The following SGCD variants were observed in gnomAD, a reference collection of about 807,000 sequenced individuals.
SGCD encodes sarcoglycan delta, also known as delta-sarcoglycan.
In SGCD, 18 loss-of-function variants were observed where a neutral mutation model predicts 36.6. The observed-to-expected ratio is 0.49, with a 90% CI of 0.34 to 0.73. SGCD has a LOEUF of 0.73. Among genes scored for constraint, SGCD ranks in the 30% least tolerant of loss-of-function variants. The pLI is 0.01. For synonymous variants in SGCD, 133 were observed against 130.6 expected, an observed-to-expected ratio of 1.02 and a Z score of -0.12; for missense variants, 387 against 346.7, an observed-to-expected ratio of 1.12 and a Z score of -0.92.
intron 3 of SGCD, among the ~76,000 whole-genome samples, chr5:156,436,674 T>C (rs559170984): frequency 1.1e-4 from 17 of 152,314 alleles, no homozygotes; most frequent in Admixed American, 1.0e-3. Context: ...CCTTTCCTAT[T>C]ATATCATGCT....
intron 3 of SGCD, among the ~76,000 whole-genome samples, chr5:156,174,103 T>A (rs551364621): frequency 1.1e-4 from 16 of 152,332 alleles, no homozygotes; most frequent in Non-Finnish European, 2.2e-4. Context: ...GTTTACTATG[T>A]GCTGGCTGCC....
At chr5:156,422,707 C>T (rs1773372262) in intron 3 of SGCD, among the ~76,000 whole-genome samples, 2 of 151,998 alleles carry the variant, frequency 1.3e-5, no homozygotes, top group Non-Finnish European at 2.9e-5. Context: ...TGGTACATAT[C>T]CCATGCACAG....
intron 8 of SGCD, among the ~76,000 whole-genome samples, chr5:156,758,724 T>C (rs1385236713): frequency 6.6e-6 from 1 of 152,158 alleles, no homozygotes; most frequent in South Asian, 2.1e-4. Context: ...TATAGGCATA[T>C]TTTTATAGGC....
At chr5:155,924,465 C>A (rs779485571) in intron 1 of SGCD, among the ~76,000 whole-genome samples, 7 of 152,152 alleles carry the variant, frequency 4.6e-5, no homozygotes, top group Non-Finnish European at 8.8e-5. Flanking sequence ...CCAGAGAGAG[C>A]CCCATGGAAG....
At chr5:155,749,021 A>G in the SGCD span, among the ~76,000 whole-genome samples, 1 of 152,202 alleles carries the variant, frequency 6.6e-6, no homozygotes, top group African/African-American at 2.4e-5. Context: ...TTTATTAGAA[A>G]TCTATGTGGC....
intron 3 of SGCD, among the ~76,000 whole-genome samples, chr5:156,284,124 AAG>A (rs1000162976): frequency 3.7e-4 from 56 of 152,316 alleles, no homozygotes; most frequent in African/African-American, 1.3e-3. Context: ...CTAAACCAGG[AAG>A]AAGTTGAATC....
rs1452623841 is a variant in SGCD, at chr5:156,767,448, G to A, written c.*8058G>A. 3.4e-5 allele frequency: 5 copies of A among 145,810 alleles called. No homozygotes were observed. Among genetic ancestry groups the A allele is most frequent in the Non-Finnish European group, 7.5e-5 (5 of 67,092 alleles). The allele number at this position is 145,810 out of a possible 1,614,324, so 9.0% of individuals were successfully genotyped here. A position where few individuals can be genotyped will look rare whatever the true frequency, so the allele number is the denominator to read the frequency against. ...GATTCTGATGTTCTTAACCAAAATG[G>A]TGAGGTCATGGAAGTCCCATTTGCT... On this transcript the variant is annotated 3_prime_UTR_variant, in exon 9 of 9. Coordinates refer to ENST00000337851, the MANE Select transcript of SGCD (RefSeq NM_000337.6).
intron 3 of SGCD, among the ~76,000 whole-genome samples, chr5:156,273,073 C>T (rs1766222060): frequency 1.3e-5 from 2 of 152,190 alleles, no homozygotes; most frequent in South Asian, 4.2e-4. Flanking sequence ...ATGATCAGTT[C>T]CTGTGCATAG....
At chr5:156,507,266 A>T (rs1756743262) in intron 3 of SGCD, among the ~76,000 whole-genome samples, 1 of 152,230 alleles carries the variant, frequency 6.6e-6, no homozygotes, top group South Asian at 2.1e-4. Flanking sequence ...GATACAGAAG[A>T]TTCAGAGTCA....
chr5:156,376,402 T>A (rs1282282028), intron 3 of SGCD, among the ~76,000 whole-genome samples: 1 of 152,246 alleles, frequency 6.6e-6, no homozygotes, highest in Non-Finnish European at 1.5e-5. Flanking sequence ...CCTGGTTGGG[T>A]AACTGCTTTA....
At chr5:156,583,002 T>A (rs1330412548) in intron 4 of SGCD, among the ~76,000 whole-genome samples, 1 of 152,204 alleles carries the variant, frequency 6.6e-6, no homozygotes, top group Non-Finnish European at 1.5e-5. Flanking sequence ...CCACTGATGA[T>A]GTCTAGAGAG....
the SGCD span, among the ~76,000 whole-genome samples, chr5:155,791,053 T>A: frequency 6.6e-6 from 1 of 152,168 alleles, no homozygotes; most frequent in Non-Finnish European, 1.5e-5. Context: ...TAATCATTTT[T>A]AAAATTCTGC....
intron 6 of SGCD, among the ~76,000 whole-genome samples, chr5:156,619,637 C>G (rs1198250224): frequency 6.6e-6 from 1 of 152,020 alleles, no homozygotes; most frequent in Non-Finnish European, 1.5e-5. Flanking sequence ...AGAATTTTTT[C>G]TTTTTGCTTT....
chr5:156,619,446 G>C (rs1762158685), intron 6 of SGCD, among the ~76,000 whole-genome samples: 1 of 152,160 alleles, frequency 6.6e-6, no homozygotes, highest in African/African-American at 2.4e-5. Flanking sequence ...GCATCTGTTG[G>C]CCTGTTTTTA....
intron 1 of SGCD, among the ~76,000 whole-genome samples, chr5:155,933,909 C>T (rs1757146198): frequency 6.6e-6 from 1 of 152,172 alleles, no homozygotes; most frequent in Non-Finnish European, 1.5e-5. Context: ...CTGTGTGAAA[C>T]ACCCACAGAA....
intron 3 of SGCD, among the ~76,000 whole-genome samples, chr5:156,414,818 G>T (rs1293484683): frequency 1.3e-5 from 2 of 152,262 alleles, no homozygotes; most frequent in East Asian, 3.9e-4. Flanking sequence ...GAATAACAAA[G>T]TGATTTTTCT....
chr5:156,614,987 G>A (rs935614907), intron 6 of SGCD, among the ~76,000 whole-genome samples: 1 of 152,180 alleles, frequency 6.6e-6, no homozygotes, highest in Non-Finnish European at 1.5e-5. Context: ...ATGTTACAAA[G>A]GTCTCTGGCA....
rs187786098 is a variant in SGCD, at chr5:156,329,599, G to T, written c.3+20G>T. 5 of 1,611,362 alleles carry T rather than the reference G, an allele frequency of 3.1e-6. No homozygotes were observed. In the South Asian group the frequency reaches 3.3e-5, roughly 11 times the overall value. ...GAGATGGTGAGTAATTCCCGGGAGCGAAGCTTGTTCAAGGCCCTGCTCATG... is the reference window on the plus strand; with the variant it reads ...GAGATGGTGAGTAATTCCCGGGAGCTAAGCTTGTTCAAGGCCCTGCTCATG... On this transcript the variant is annotated intron_variant, in intron 2 of 8. Coordinates refer to ENST00000337851, the MANE Select transcript of SGCD (RefSeq NM_000337.6).
chr5:156,597,738 C>T (rs184396791), intron 6 of SGCD, among the ~76,000 whole-genome samples: 7 of 148,980 alleles, frequency 4.7e-5, no homozygotes, highest in Admixed American at 3.4e-4. Flanking sequence ...TTTTAAAACC[C>T]CTTATGTGGA....
Sources: gnomAD v4.1 joint callset for allele counts (sites outside exome capture counted in the v4.1 genomes callset) on GRCh38, gnomAD v4.1.1 for gene constraint, MANE v1.5 for transcripts, NCBI Gene and HGNC (gene_info 2026-07-23, HGNC 2026-07-21) for gene names.